OLFM1: variants seen among roughly 807,000 people sequenced by gnomAD.
The protein encoded by OLFM1 is noelin.
Under a neutral mutation model 49.7 loss-of-function variants are expected in OLFM1, and 9 were observed. The observed-to-expected ratio is 0.18, with a 90% CI of 0.11 to 0.32. OLFM1 has a LOEUF of 0.32. Ranked by LOEUF, OLFM1 falls within the 10% of genes least tolerant of loss-of-function variation. The pLI is 1.00. For missense variants in OLFM1, 369 were observed against 661.8 expected, an observed-to-expected ratio of 0.56 and a Z score of 4.85; for synonymous variants, 240 against 271.8, an observed-to-expected ratio of 0.88 and a Z score of 1.15.
chr9:135,076,762 C>T, intron 1 of OLFM1: 1 of 1,483,902 alleles, frequency 6.7e-7, no homozygotes. Flanking sequence ...CCCCAAGCCC[C>T]AGCTGCCCCT....
At position 135,120,175 on chromosome 9, in the gene OLFM1, G is replaced by A; in HGVS notation, c.1455G>A (p.Leu485=). The change falls in exon 6 of 6, where the codon TTG becomes TTA. Residue 485 remains leucine, a synonymous_variant. Transcript: ENST00000371793. ...TCCACGTCATCCGCTCCGACGAGTT[G>A]TAGCTCCCTCCTCCTGGAAGCCAAG... ...TLFHVIRSDE[L] is the part of the protein sequence containing the mutation. The A allele has an allele frequency of 3.1e-6, 5 of 1,605,164 alleles. No individual in the cohort carries two copies. The South Asian group carries it at 5.6e-5, about 18-fold the overall frequency.
chr9:135,111,283 C>T (rs571248630), intron 5 of OLFM1, among the ~76,000 whole-genome samples: 4 of 152,318 alleles, frequency 2.6e-5, no homozygotes, highest in African/African-American at 7.2e-5. Flanking sequence ...AAGAAACCCT[C>T]ATGGGTTGGG....
intron 1 of OLFM1, among the ~76,000 whole-genome samples, chr9:135,078,199 A>AGG (rs1830491797): frequency 6.6e-6 from 1 of 152,188 alleles, no homozygotes; most frequent in Admixed American, 6.5e-5. Flanking sequence ...GCTTCAGGAT[A>AGG]GGGTGCTGGA....
chr9:135,106,895 G>C (rs936346494), intron 5 of OLFM1, 40 bp downstream of exon 5: 4 of 1,492,060 alleles, frequency 2.7e-6, no homozygotes, highest in Non-Finnish European at 3.6e-6. Flanking sequence ...ATTTGGGCAA[G>C]GGCGCTCTCG....
Position 135,098,444 on chromosome 9 carries a change from T to G in OLFM1, c.615T>G (p.Asp205Glu). The G allele has an allele frequency of 6.2e-7, 1 of 1,613,832 alleles. No homozygotes were observed. The highest frequency in any genetic ancestry group is 8.5e-7 in the Non-Finnish European group (1 of 1,180,034). ...LQEEIGAYDY[D>E]ELQSRVSNLE... Reference sequence around the variant, plus strand: ...AGGAAATTGGCGCCTATGACTACGATGAACTTCAGAGCAGAGTGTCCAATC... The same window carrying G: ...AGGAAATTGGCGCCTATGACTACGAGGAACTTCAGAGCAGAGTGTCCAATC... Residue 205 changes from aspartate (D) to glutamate (E), a missense_variant, in exon 4 of 6, where the codon GAT (aspartate) becomes GAG (glutamate). This residue lies in a region of OLFM1 where 294 missense variants were observed against 567.5 expected (regional missense o/e 0.52). Coordinates refer to ENST00000371793, the MANE Select transcript of OLFM1 (RefSeq NM_001282611.2). This position sits in a 1 kb window ranked among gnomAD's most constrained non-coding sequence, Gnocchi z 5.6.
At chr9:135,078,385 G>A (rs1214947408) in intron 1 of OLFM1, among the ~76,000 whole-genome samples, 1 of 152,222 alleles carries the variant, frequency 6.6e-6, no homozygotes, top group Non-Finnish European at 1.5e-5. Flanking sequence ...CTGCACTTAA[G>A]AAATGCTGCC....
intron 5 of OLFM1, among the ~76,000 whole-genome samples, chr9:135,111,028 C>T (rs1831015278): frequency 6.6e-6 from 1 of 152,234 alleles, no homozygotes; most frequent in Non-Finnish European, 1.5e-5. Context: ...CCGAGAGGCC[C>T]TCTTCACTGG....
In OLFM1 at chr9:135,080,007, G is replaced by T. The variant is rs1830512817; in HGVS notation, c.96+4205G>T. 6.6e-6 allele frequency among the ~76,000 whole-genome samples: 1 copy of T among 152,028 alleles called. No homozygotes were observed. The highest frequency in any genetic ancestry group is 1.5e-5 in the Non-Finnish European group (1 of 68,016). On this transcript the variant is annotated intron_variant, in intron 1 of 5. Coordinates refer to the OLFM1 transcript ENST00000252854. The surrounding 1 kb of genome is among the most constrained non-coding windows in gnomAD (Gnocchi z 4.5). ...CGGGACTGCACTTGGGGAGTTGTGG[G>T]TTGGTGTGAACAGGGCAGACGAGAA...
At chr9:135,094,829 A>G (rs566894682) in intron 2 of OLFM1, among the ~76,000 whole-genome samples, 14 of 152,246 alleles carry the variant, frequency 9.2e-5, no homozygotes, top group East Asian at 3.9e-4. Flanking sequence ...CTCATCCCCA[A>G]ATGATTTTGT....
chr9:135,111,230 C>T (rs533146791), intron 5 of OLFM1, among the ~76,000 whole-genome samples: 7 of 152,148 alleles, frequency 4.6e-5, no homozygotes, highest in Admixed American at 6.5e-5. Flanking sequence ...TTTGTGTTTG[C>T]GTGAGAAGGA....
At chr9:135,087,248 G>C (rs919778132), upstream of OLFM1, 1 of 1,444,434 alleles carries the variant, frequency 6.9e-7, no homozygotes, top group Non-Finnish European at 9.1e-7. Context: ...GCCCAGGCTG[G>C]CTGGGACCCT....
At chr9:135,081,853 G>A (rs571508115) in intron 1 of OLFM1, among the ~76,000 whole-genome samples, 6 of 152,292 alleles carry the variant, frequency 3.9e-5, no homozygotes, top group Admixed American at 6.5e-5. Context: ...TGCCCGACAC[G>A]TGCACCCGAC....
Position 135,088,025 on chromosome 9 carries a change from G to T in OLFM1, c.36G>T (p.Leu12=). Reference sequence around the variant, plus strand: ...CGCTGCTCAAGATCGGGGTCGTGCTGAGCACCATGGCCATGATCACTAACT... The same window carrying T: ...CGCTGCTCAAGATCGGGGTCGTGCTTAGCACCATGGCCATGATCACTAACT... ...SVPLLKIGVV[L]STMAMITNWM... Residue 12 remains leucine, a synonymous_variant, in exon 1 of 6, where the codon CTG becomes CTT. Transcript: ENST00000371793. The surrounding 1 kb of genome is among the most constrained non-coding windows in gnomAD (Gnocchi z 4.8). 1 of 1,459,744 alleles carries T rather than the reference G, an allele frequency of 6.9e-7. No individual in the cohort carries two copies. 90.4% of individuals were successfully genotyped at this position (1,459,744 alleles called of 1,614,324 possible). A position where few individuals can be genotyped will look rare whatever the true frequency, so the allele number is the denominator to read the frequency against.
rs561973569 is a variant in OLFM1 at position 135,106,898 on chromosome 9, C to T, written c.783+43C>T. Reference sequence around the variant, plus strand: ...TCATAGGGGGTCATTTGGGCAAGGGCGCTCTCGGACACCTGGTGGGCCCCA... The same window carrying T: ...TCATAGGGGGTCATTTGGGCAAGGGTGCTCTCGGACACCTGGTGGGCCCCA... On this transcript the variant is annotated intron_variant, in intron 5 of 5. Coordinates refer to ENST00000371793, the MANE Select transcript of OLFM1 (RefSeq NM_001282611.2). The T allele has an allele frequency of 4.5e-5, 66 of 1,462,018 alleles. No individual in the cohort carries two copies. In the South Asian group the frequency reaches 4.9e-4, roughly 11 times the overall value. The allele number at this position is 1,462,018 out of a possible 1,614,324, so 90.6% of individuals were successfully genotyped here.
chr9:135,106,594 C>G, intron 4 of OLFM1, 155 bp from the exon 5 acceptor site: 1 of 598,714 alleles, frequency 1.7e-6, no homozygotes, highest in Non-Finnish European at 3.0e-6. Context: ...TCTGTGAAAA[C>G]AAGGGCGTGA....
intron 4 of OLFM1, among the ~76,000 whole-genome samples, chr9:135,103,950 G>T (rs546901054): frequency 1.3e-5 from 2 of 152,380 alleles, no homozygotes; most frequent in East Asian, 3.9e-4. Context: ...CTGAGACAGA[G>T]AGTGAAGCCT....
intron 1 of OLFM1, among the ~76,000 whole-genome samples, chr9:135,078,924 T>C (rs1037761595): frequency 2.0e-5 from 3 of 152,208 alleles, no homozygotes; most frequent in Non-Finnish European, 4.4e-5. Flanking sequence ...CTGACCTTCC[T>C]TGTTTCACAA....
chr9:135,095,788 G>A lies in OLFM1; in HGVS notation c.301-76G>A, dbSNP rs572573700. The stretch of plus-strand genomic sequence containing the variant: ...TGCTGGCTGTGTGGGAAAGGGCAAT[G>A]TCTGTACGAGCAGGCAGAGAAGATT... On this transcript the variant is annotated intron_variant, in intron 2 of 5. Coordinates refer to ENST00000371793, the MANE Select transcript of OLFM1 (RefSeq NM_001282611.2). 5.9e-5 allele frequency: 90 copies of A among 1,518,558 alleles called. No individual in the cohort carries two copies. The African/African-American group carries it at 1.1e-3, about 19-fold the overall frequency. 94.1% of individuals were successfully genotyped at this position (1,518,558 alleles called of 1,614,324 possible). A position where few individuals can be genotyped will look rare whatever the true frequency, so the allele number is the denominator to read the frequency against.
chr9:135,082,746 G>A (rs931900188), upstream of OLFM1, among the ~76,000 whole-genome samples: 3 of 152,162 alleles, frequency 2.0e-5, no homozygotes, highest in African/African-American at 4.8e-5. Context: ...ACGGACCCAG[G>A]GGTGCTTTGT....
Sources: allele counts gnomAD v4.1 joint callset (sites outside exome capture counted in the v4.1 genomes callset), GRCh38; gene constraint gnomAD v4.1.1; regional missense constraint gnomAD v4.1.1; non-coding constraint Gnocchi (gnomAD v3.1); transcripts MANE v1.5; gene names NCBI Gene and HGNC (gene_info 2026-07-23, HGNC 2026-07-21).